The following FBXO11 variants were observed in gnomAD, a reference collection of about 807,000 sequenced individuals.
The protein encoded by FBXO11 is F-box only protein 11.
A neutral mutation model predicts 117.0 loss-of-function variants in FBXO11; 13 were observed. The ratio of observed to expected loss-of-function variants is 0.11; its 90% CI spans 0.07 to 0.18. The LOEUF (loss-of-function observed/expected upper bound fraction) is 0.18, where lower values mean the gene tolerates loss of function less well. FBXO11 is among the 10% of genes least tolerant of loss of function. The pLI, the probability that FBXO11 is intolerant of heterozygous loss-of-function variation, is 1.00. For missense variants in FBXO11, 767 were observed against 1,164.4 expected (o/e 0.66, Z 4.97); for synonymous variants, 490 against 380.5 (o/e 1.29, Z -3.35).
intron 1 of FBXO11, among the ~76,000 whole-genome samples, chr2:47,898,559 A>T (rs899301610): frequency 1.3e-5 from 2 of 152,212 alleles, no homozygotes; most frequent in African/African-American, 4.8e-5. Context: ...CCTTCTTTGT[A>T]TAATGAGTGC....
At chr2:47,874,523 C>T (rs962983662) in intron 1 of FBXO11, among the ~76,000 whole-genome samples, 6 of 151,944 alleles carry the variant, frequency 3.9e-5, no homozygotes, top group Middle Eastern at 3.4e-3. Flanking sequence ...ACACAAACAC[C>T]GTACAAAATT....
chr2:47,849,571 A>T (rs1355880764), intron 1 of FBXO11, among the ~76,000 whole-genome samples: 2 of 152,260 alleles, frequency 1.3e-5, no homozygotes, highest in Non-Finnish European at 2.9e-5. Flanking sequence ...GCTCTTCAAG[A>T]GCCTAAGAGA....
chr2:47,817,164 C>T (rs893415621), intron 16 of FBXO11, among the ~76,000 whole-genome samples: 4 of 152,248 alleles, frequency 2.6e-5, no homozygotes, highest in Admixed American at 6.5e-5. Flanking sequence ...GCATTTGCTG[C>T]TCCACCTTGC....
chr2:47,884,324 T>C (rs2103928904), intron 1 of FBXO11, among the ~76,000 whole-genome samples: 1 of 152,352 alleles, frequency 6.6e-6, no homozygotes, highest in South Asian at 2.1e-4. Flanking sequence ...CTTTTCTGAA[T>C]ATAATCAGGT....
At chr2:47,898,165 G>A (rs1248039319) in intron 1 of FBXO11, among the ~76,000 whole-genome samples, 3 of 151,988 alleles carry the variant, frequency 2.0e-5, no homozygotes, top group African/African-American at 7.3e-5. Context: ...TCTTATTCGG[G>A]GTGTTTAAAA....
intron 1 of FBXO11, among the ~76,000 whole-genome samples, chr2:47,892,092 C>G (rs930492113): frequency 1.3e-5 from 2 of 152,164 alleles, no homozygotes; most frequent in Admixed American, 6.5e-5. Context: ...TTGACTGTTT[C>G]CTTTGCTGTG....
rs1292836936 is a variant in FBXO11 at position 47,906,304 on chromosome 2, T to G, written c.-584A>C. ...TTCTCTCTTTCTTCGGTCTCTTCTC[T>G]CTCCTCCCCCCCTTCTCTCCTCGGC... On this transcript the variant is annotated 5_prime_UTR_variant, in exon 1 of 23. Transcript: ENST00000403359. 6.5e-6 allele frequency: 1 copy of G among 155,004 alleles called. No homozygotes were observed. The highest frequency in any genetic ancestry group is 1.4e-5 in the Non-Finnish European group (1 of 69,724). 9.6% of individuals were successfully genotyped at this position (155,004 alleles called of 1,614,324 possible). A position where few individuals can be genotyped will look rare whatever the true frequency, so the allele number is the denominator to read the frequency against.
intron 7 of FBXO11, among the ~76,000 whole-genome samples, chr2:47,833,632 TCA>T (rs1491277793): frequency 6.6e-6 from 1 of 152,202 alleles, no homozygotes; most frequent in Non-Finnish European, 1.5e-5. Context: ...TTCAAATGAC[TCA>T]GTGTTTGACA....
intron 7 of FBXO11, among the ~76,000 whole-genome samples, chr2:47,834,357 CA>C (rs1467010530): frequency 6.6e-6 from 1 of 150,710 alleles, no homozygotes; most frequent in Non-Finnish European, 1.5e-5. Flanking sequence ...ATCAAAAAAA[CA>C]AAAAAGGTTG....
At chr2:47,837,703 G>C (rs544592509) in intron 4 of FBXO11, among the ~76,000 whole-genome samples, 19 of 152,080 alleles carry the variant, frequency 1.2e-4, no homozygotes, top group Non-Finnish European at 2.6e-4. Context: ...TATTATAGTT[G>C]TGATTATATA....
intron 1 of FBXO11, among the ~76,000 whole-genome samples, chr2:47,870,773 A>G (rs1675565044): frequency 6.6e-6 from 1 of 152,200 alleles, no homozygotes; most frequent in Middle Eastern, 3.2e-3. Flanking sequence ...GCACTCACAA[A>G]TTTTACTTAT....
intron 1 of FBXO11, among the ~76,000 whole-genome samples, chr2:47,870,828 T>G (rs1464296492): frequency 6.6e-6 from 1 of 152,154 alleles, no homozygotes; most frequent in Non-Finnish European, 1.5e-5. Context: ...GTCACCAACT[T>G]CCTGCCACTA....
intron 11 of FBXO11, among the ~76,000 whole-genome samples, chr2:47,828,996 C>A (rs1478190388): frequency 6.6e-6 from 1 of 151,500 alleles, no homozygotes; most frequent in Non-Finnish European, 1.5e-5. Flanking sequence ...GTCACTGCAA[C>A]CTCCACCTCC....
At chr2:47,899,179 C>T (rs1572927881) in intron 1 of FBXO11, among the ~76,000 whole-genome samples, 2 of 148,028 alleles carry the variant, frequency 1.4e-5, no homozygotes, top group South Asian at 4.2e-4. Flanking sequence ...GAGGCTGAGG[C>T]AGGAGAATGG....
intron 1 of FBXO11, among the ~76,000 whole-genome samples, chr2:47,854,861 TTG>T (rs1371440855): frequency 2.6e-5 from 1 of 38,544 alleles, no homozygotes; most frequent in African/African-American, 5.9e-5. Flanking sequence ...GTTTTTTTTT[TTG>T]TTTTTTTTTT....
intron 18 of FBXO11, 116 bp from the exon 19 acceptor site, chr2:47,810,542 G>A (rs1353135950): frequency 5.1e-6 from 3 of 585,888 alleles, no homozygotes; most frequent in Non-Finnish European, 5.7e-6. Context: ...AAAATTCACA[G>A]GACTATTTTT....
At chr2:47,844,392 T>C (rs924617570) in intron 1 of FBXO11, among the ~76,000 whole-genome samples, 3 of 152,214 alleles carry the variant, frequency 2.0e-5, no homozygotes, top group Non-Finnish European at 4.4e-5. Flanking sequence ...GCCACATGCC[T>C]GGGTCTTTGT....
chr2:47,891,851 G>C (rs187125324), intron 1 of FBXO11, among the ~76,000 whole-genome samples: 8 of 151,992 alleles, frequency 5.3e-5, no homozygotes, highest in Non-Finnish European at 1.0e-4. Flanking sequence ...GTTTTTATTT[G>C]CATTTCCCTG....
At chr2:47,900,629 CACACACGTACGTATAT>C (rs1678076431) in intron 1 of FBXO11, among the ~76,000 whole-genome samples, 3 of 29,902 alleles carry the variant, frequency 1.0e-4, no homozygotes, top group South Asian at 1.4e-3. Flanking sequence ...CACACGTATA[CACACACGTACGTATAT>C]ACACACGTAT....
Sources: gnomAD v4.1 joint callset for allele counts (sites outside exome capture counted in the v4.1 genomes callset) on GRCh38, gnomAD v4.1.1 for gene constraint, MANE v1.5 for transcripts, NCBI Gene and HGNC (gene_info 2026-07-23, HGNC 2026-07-21) for gene names.